The following DCC variants were observed in gnomAD, a reference collection of about 807,000 sequenced individuals.
The protein encoded by DCC is DCC netrin 1 receptor.
A neutral mutation model predicts 172.5 loss-of-function variants in DCC; 58 were observed. The observed-to-expected ratio is 0.34, with a 90% CI of 0.27 to 0.42. The LOEUF is 0.42. Ranked by LOEUF, DCC falls within the 10% of genes least tolerant of loss-of-function variation. DCC has a pLI of 1.00. For synonymous variants in DCC, 709 were observed against 644.5 expected, an observed-to-expected ratio of 1.10 and a Z score of -1.52; for missense variants, 1,740 against 1,791.0, an observed-to-expected ratio of 0.97 and a Z score of 0.51.
At chr18:53,141,627 T>A (rs1320989240) in intron 7 of DCC, among the ~76,000 whole-genome samples, 1 of 152,232 alleles carries the variant, frequency 6.6e-6, no homozygotes, top group Non-Finnish European at 1.5e-5. Context: ...TTCAGCTGAC[T>A]GGATTTTGTG....
chr18:53,492,237 A>G (rs2045967175), intron 26 of DCC, among the ~76,000 whole-genome samples: 1 of 152,150 alleles, frequency 6.6e-6, no homozygotes, highest in African/African-American at 2.4e-5. Context: ...ATAGATTGCA[A>G]AAATTTTCTC....
intron 1 of DCC, among the ~76,000 whole-genome samples, chr18:52,501,766 A>G (rs1279251402): frequency 6.6e-6 from 1 of 152,062 alleles, no homozygotes; most frequent in Non-Finnish European, 1.5e-5. Flanking sequence ...TTTTCTAATT[A>G]GTTGTTGCTT....
chr18:53,090,698 CAAAAAAAAAAAAAAAAAAAA>C lies in DCC; in HGVS notation c.1261+24549_1261+24568del, dbSNP rs59898050. Among the ~76,000 whole-genome samples, 417 of 39,376 alleles carry C rather than the reference CAAAAAAAAAAAAAAAAAAAA, an allele frequency of 0.011. 15 individuals are homozygous for C. In the East Asian group the frequency reaches 0.12, roughly 11 times the overall value. The allele number at this position is 39,376 out of a possible 152,430, so 25.8% of individuals were successfully genotyped here. A position where few individuals can be genotyped will look rare whatever the true frequency, so the allele number is the denominator to read the frequency against. The stretch of plus-strand genomic sequence containing the variant: ...GACAGAGCGAAACTCCGTCCCCCAA[CAAAAAAAAAAAAAAAAAAAA>C]AAAAAAAAAAAAAAAAGAATGTATC... On this transcript the variant is annotated intron_variant, in intron 7 of 28. Coordinates refer to ENST00000442544, the MANE Select transcript of DCC (RefSeq NM_005215.4).
intron 3 of DCC, among the ~76,000 whole-genome samples, chr18:52,915,186 G>T (rs1474235860): frequency 6.6e-6 from 1 of 152,040 alleles, no homozygotes; most frequent in Non-Finnish European, 1.5e-5. Flanking sequence ...TCATGTTGAG[G>T]TTCCTAAATA....
chr18:52,538,448 A>G (rs2032346214), intron 1 of DCC, among the ~76,000 whole-genome samples: 1 of 152,142 alleles, frequency 6.6e-6, no homozygotes, highest in Admixed American at 6.5e-5. Flanking sequence ...ACTAATATCT[A>G]TAAACTCTTT....
At chr18:53,466,322 G>A (rs1276635673) in intron 24 of DCC, among the ~76,000 whole-genome samples, 2 of 152,082 alleles carry the variant, frequency 1.3e-5, no homozygotes, top group Non-Finnish European at 2.9e-5. Flanking sequence ...ATGGTTTTAG[G>A]TCAGTCTTGT....
chr18:52,401,247 A>C (rs1289313236), intron 1 of DCC, among the ~76,000 whole-genome samples: 1 of 152,044 alleles, frequency 6.6e-6, no homozygotes, highest in Non-Finnish European at 1.5e-5. Context: ...CCTAATGGGC[A>C]TAACTCTGAC....
At chr18:53,150,642 G>T (rs1490326599) in intron 7 of DCC, among the ~76,000 whole-genome samples, 2 of 152,206 alleles carry the variant, frequency 1.3e-5, no homozygotes, top group Admixed American at 1.3e-4. Context: ...CCAGGCTGGA[G>T]ATCAGTGAGG....
At chr18:52,409,487 T>C (rs1176304840) in intron 1 of DCC, among the ~76,000 whole-genome samples, 1 of 152,162 alleles carries the variant, frequency 6.6e-6, no homozygotes, top group African/African-American at 2.4e-5. Flanking sequence ...TTCACATTTA[T>C]TATTCCCCTT....
At chr18:52,879,250 G>A (rs2039444835) in intron 2 of DCC, among the ~76,000 whole-genome samples, 1 of 151,986 alleles carries the variant, frequency 6.6e-6, no homozygotes, top group East Asian at 1.9e-4. Context: ...TCATTTGAGG[G>A]AATAAAGTGC....
intron 13 of DCC, among the ~76,000 whole-genome samples, chr18:53,312,833 A>G (rs1407043891): frequency 7.6e-6 from 1 of 132,094 alleles, no homozygotes; most frequent in Non-Finnish European, 1.6e-5. Context: ...AAAGCTTTTA[A>G]TTACAGACTG....
chr18:52,819,903 G>A (rs1053986502), intron 2 of DCC, among the ~76,000 whole-genome samples: 1 of 151,686 alleles, frequency 6.6e-6, no homozygotes, highest in East Asian at 1.9e-4. Context: ...TTTATTTTTA[G>A]TAGAGATGGG....
At chr18:52,480,004 G>T (rs996896420) in intron 1 of DCC, among the ~76,000 whole-genome samples, 2 of 152,078 alleles carry the variant, frequency 1.3e-5, no homozygotes, top group African/African-American at 4.8e-5. Flanking sequence ...TCTATGTAAT[G>T]CCCTCTATAT....
chr18:53,149,329 C>T (rs888858702), intron 7 of DCC, among the ~76,000 whole-genome samples: 1 of 152,152 alleles, frequency 6.6e-6, no homozygotes, highest in African/African-American at 2.4e-5. Flanking sequence ...AGCCCTTAGA[C>T]TCCACTTCTC....
At chr18:52,827,158 C>T (rs374636649) in intron 2 of DCC, among the ~76,000 whole-genome samples, 5 of 152,284 alleles carry the variant, frequency 3.3e-5, no homozygotes, top group African/African-American at 1.2e-4. Context: ...GGGGGCCCTA[C>T]TCAGTCTCAG....
chr18:52,969,403 G>A (rs1210268934), intron 5 of DCC, among the ~76,000 whole-genome samples: 1 of 152,066 alleles, frequency 6.6e-6, no homozygotes, highest in East Asian at 1.9e-4. Flanking sequence ...AGAAACCTGG[G>A]TAACGTCTCA....
intron 12 of DCC, among the ~76,000 whole-genome samples, chr18:53,302,509 A>T (rs1365736890): frequency 6.6e-6 from 1 of 152,104 alleles, no homozygotes; most frequent in Non-Finnish European, 1.5e-5. Flanking sequence ...TTATCACATT[A>T]CAATTTTCTT....
At chr18:52,567,786 CT>C (rs2033194720) in intron 1 of DCC, among the ~76,000 whole-genome samples, 1 of 151,816 alleles carries the variant, frequency 6.6e-6, no homozygotes, top group Non-Finnish European at 1.5e-5. Flanking sequence ...ACTTGTACCC[CT>C]TAAATTTATG....
chr18:52,825,457 G>A (rs2038493525), intron 2 of DCC, among the ~76,000 whole-genome samples: 1 of 152,068 alleles, frequency 6.6e-6, no homozygotes, highest in Non-Finnish European at 1.5e-5. Flanking sequence ...TGGAAATTGA[G>A]AGAAATAGCT....
Sources: allele counts gnomAD v4.1 joint callset (sites outside exome capture counted in the v4.1 genomes callset), GRCh38; gene constraint gnomAD v4.1.1; transcripts MANE v1.5; gene names NCBI Gene and HGNC (gene_info 2026-07-23, HGNC 2026-07-21).